Variants in PCDHA4 observed in about 807,000 individuals in gnomAD.
PCDHA4 encodes protocadherin alpha-4.
Under a neutral mutation model 61.4 loss-of-function variants are expected in PCDHA4, and 49 were observed. That is an observed-to-expected ratio of 0.80 (90% CI 0.63 to 1.01). The LOEUF (loss-of-function observed/expected upper bound fraction) is 1.01, where lower values mean the gene tolerates loss of function less well. PCDHA4 is among the 50% of genes least tolerant of loss of function. The pLI, the probability that PCDHA4 is intolerant of heterozygous loss-of-function variation, is 0.00. For missense variants in PCDHA4, 1,254 were observed against 1,235.8 expected, an observed-to-expected ratio of 1.01 and a Z score of -0.22; for synonymous variants, 590 against 550.3, an observed-to-expected ratio of 1.07 and a Z score of -1.01.
At chr5:141,006,996 G>T (rs1206587874) in intron 3 of PCDHA4, among the ~76,000 whole-genome samples, 2 of 152,136 alleles carry the variant, frequency 1.3e-5, no homozygotes, top group African/African-American at 4.8e-5. Flanking sequence ...TAAAATATAA[G>T]TCTGCATCTC....
intron 1 of PCDHA4, among the ~76,000 whole-genome samples, chr5:140,831,489 T>G (rs201504089): frequency 3.9e-4 from 58 of 148,714 alleles, no homozygotes; most frequent in African/African-American, 1.2e-3. Context: ...CCTCTGGAGT[T>G]ACTACACACG....
intron 1 of PCDHA4, chr5:140,967,093 G>T: frequency 6.2e-7 from 1 of 1,613,122 alleles, no homozygotes; most frequent in Non-Finnish European, 8.5e-7. Flanking sequence ...ATCGGGAGGC[G>T]CTGTGTGAGC....
intron 1 of PCDHA4, among the ~76,000 whole-genome samples, chr5:140,934,036 G>T (rs181745303): frequency 2.9e-4 from 44 of 151,956 alleles, no homozygotes; most frequent in African/African-American, 1.0e-3. Context: ...GTTTATTAAT[G>T]ATATTAGTCT....
intron 3 of PCDHA4, among the ~76,000 whole-genome samples, chr5:140,999,748 G>A (rs1563643254): frequency 1.3e-5 from 2 of 152,188 alleles, no homozygotes; most frequent in South Asian, 2.1e-4. Flanking sequence ...ATCTGGGTTC[G>A]CAGCACATGA....
chr5:140,831,520 CTTTTTTTT>C (rs35178185), intron 1 of PCDHA4, among the ~76,000 whole-genome samples: 1 of 122,416 alleles, frequency 8.2e-6, no homozygotes, highest in Non-Finnish European at 1.6e-5. Context: ...TGCCCCCCAC[CTTTTTTTT>C]TTTTTTTTTT....
At position 140,974,721 on chromosome 5, in the gene PCDHA4, G is replaced by A. The variant is rs1033117636; in HGVS notation, c.2386-4228G>A. 3.9e-5 allele frequency among the ~76,000 whole-genome samples: 6 copies of A among 152,050 alleles called. No homozygotes were observed. In the East Asian group the frequency reaches 1.2e-3, roughly 29 times the overall value. On this transcript the variant is annotated intron_variant, in intron 1 of 3. Transcript: ENST00000530339. ...TCACCATGTTGTTCAAGCTGCTCTCGAACTCCTGTCTCCACCTTGGCCTCC... is the reference window on the plus strand; with the variant it reads ...TCACCATGTTGTTCAAGCTGCTCTCAAACTCCTGTCTCCACCTTGGCCTCC...
intron 1 of PCDHA4, among the ~76,000 whole-genome samples, chr5:140,889,977 C>A (rs2062447126): frequency 6.6e-6 from 1 of 152,102 alleles, no homozygotes; most frequent in African/African-American, 2.4e-5. Flanking sequence ...ATCCAGTCTC[C>A]AGTTGTCTTA....
chr5:140,988,156 C>A (rs546335543), intron 3 of PCDHA4, among the ~76,000 whole-genome samples: 1 of 152,054 alleles, frequency 6.6e-6, no homozygotes, highest in Non-Finnish European at 1.5e-5. Flanking sequence ...CAACTTCTGC[C>A]GTTGTCATAG....
intron 1 of PCDHA4, among the ~76,000 whole-genome samples, chr5:140,888,156 A>G (rs556908449): frequency 6.6e-6 from 1 of 152,182 alleles, no homozygotes; most frequent in African/African-American, 2.4e-5. Flanking sequence ...CATGACTGGT[A>G]ATCTCTAATA....
intron 1 of PCDHA4, among the ~76,000 whole-genome samples, chr5:140,893,506 A>AT (rs1270469461): frequency 6.6e-6 from 1 of 152,170 alleles, no homozygotes; most frequent in African/African-American, 2.4e-5. Context: ...AGAAAAAAAA[A>AT]GCAGTTGTAG....
At position 141,003,524 on chromosome 5, in the gene PCDHA4, G is replaced by T. The variant is rs2098128799; in HGVS notation, c.2534-6103G>T. On this transcript the variant is annotated intron_variant, in intron 3 of 3. Coordinates refer to ENST00000530339, the MANE Select transcript of PCDHA4 (RefSeq NM_018907.4). ...GATGGGGTTTCACCATGTTCCCTAG[G>T]CTGGTCTTGAACTCCTGGCTTCAAG... 4.6e-5 allele frequency among the ~76,000 whole-genome samples: 7 copies of T among 152,070 alleles called. No individual in the cohort carries two copies. In the South Asian group the frequency reaches 1.5e-3, roughly 32 times the overall value.
At chr5:140,838,136 CAG>C (rs1270820690) in intron 1 of PCDHA4, among the ~76,000 whole-genome samples, 9 of 126,910 alleles carry the variant, frequency 7.1e-5, no homozygotes, top group East Asian at 2.4e-4. Flanking sequence ...GTGTGTTTGA[CAG>C]AGTTTTACTC....
chr5:140,891,974 C>T (rs2063333007), intron 1 of PCDHA4, among the ~76,000 whole-genome samples: 1 of 152,170 alleles, frequency 6.6e-6, no homozygotes, highest in South Asian at 2.1e-4. Context: ...AATTTCCGTT[C>T]TCATAAATTA....
At chr5:140,885,236 T>C (rs2060525853) in intron 1 of PCDHA4, among the ~76,000 whole-genome samples, 1 of 152,166 alleles carries the variant, frequency 6.6e-6, no homozygotes, top group Non-Finnish European at 1.5e-5. Context: ...CTGCTTTCAA[T>C]TTTTTATTTG....
At chr5:140,926,196 T>C (rs1175807987) in intron 1 of PCDHA4, among the ~76,000 whole-genome samples, 1 of 151,596 alleles carries the variant, frequency 6.6e-6, no homozygotes, top group Non-Finnish European at 1.5e-5. Context: ...CAGCACTTCT[T>C]TCGGGGGGCT....
chr5:140,889,639 G>A (rs1271182789), intron 1 of PCDHA4, among the ~76,000 whole-genome samples: 1 of 151,770 alleles, frequency 6.6e-6, no homozygotes, highest in Non-Finnish European at 1.5e-5. Flanking sequence ...TTTCATTTGT[G>A]TTTGCAGGAG....
At chr5:140,901,207 T>C (rs894216497) in intron 1 of PCDHA4, among the ~76,000 whole-genome samples, 1 of 152,206 alleles carries the variant, frequency 6.6e-6, no homozygotes, top group Non-Finnish European at 1.5e-5. Context: ...AGAAGGTTTT[T>C]AAGTTGATGT....
chr5:140,897,435 A>G (rs1382805623), intron 1 of PCDHA4, among the ~76,000 whole-genome samples: 1 of 147,702 alleles, frequency 6.8e-6, no homozygotes, highest in Non-Finnish European at 1.5e-5. Flanking sequence ...GAGAACATGC[A>G]GTGTTTGGTT....
At position 140,823,653 on chromosome 5, in the gene PCDHA4, C is replaced by T. The variant is rs2150127949; in HGVS notation, c.2385+14081C>T. 1.9e-6 allele frequency: 3 copies of T among 1,614,026 alleles called. No homozygotes were observed. The Admixed American group carries it at 5.0e-5, about 27-fold the overall frequency. On this transcript the variant is annotated intron_variant, in intron 1 of 3. Transcript: ENST00000530339. ...GCATCCCGTTCCGCGTGGGGCTGTA[C>T]ACAGGCGAGATCAGCACAACACGCT...
Sources: allele counts gnomAD v4.1 joint callset (sites outside exome capture counted in the v4.1 genomes callset), GRCh38; gene constraint gnomAD v4.1.1; transcripts MANE v1.5; gene names NCBI Gene and HGNC (gene_info 2026-07-23, HGNC 2026-07-21).